Variants in SPMAP2L observed in about 807,000 individuals in gnomAD.
SPMAP2L encodes sperm microtubule associated protein 2-like.
chr4:56,564,297 C>A, the SPMAP2L span, among the ~76,000 whole-genome samples: 2 of 152,008 alleles, frequency 1.3e-5, no homozygotes, highest in African/African-American at 4.8e-5. Flanking sequence ...CACCACCATG[C>A]CTAGCTAATT....
chr4:56,534,805 T>C, the SPMAP2L span, among the ~76,000 whole-genome samples: 1 of 152,180 alleles, frequency 6.6e-6, no homozygotes, highest in African/African-American at 2.4e-5. Flanking sequence ...GGCGCATGCC[T>C]GTAATCCCAG....
chr4:56,573,657 A>G, the SPMAP2L span, among the ~76,000 whole-genome samples: 9 of 152,236 alleles, frequency 5.9e-5, no homozygotes, highest in Non-Finnish European at 1.0e-4. Context: ...CATTTCCTTC[A>G]AAAGGCCAAT....
At chr4:56,614,102 G>A in the SPMAP2L span, among the ~76,000 whole-genome samples, 3 of 152,120 alleles carry the variant, frequency 2.0e-5, no homozygotes, top group Non-Finnish European at 4.4e-5. Flanking sequence ...CGAGGGGTCC[G>A]GTCTAGGACT....
the SPMAP2L span, among the ~76,000 whole-genome samples, chr4:56,568,381 T>C: frequency 3.3e-5 from 5 of 152,206 alleles, no homozygotes; most frequent in African/African-American, 9.6e-5. Context: ...CCTTACTGGC[T>C]CCTGGATGTT....
chr4:56,584,498 C>T, the SPMAP2L span: 1 of 1,528,202 alleles, frequency 6.5e-7, no homozygotes. Flanking sequence ...TGCATATAGA[C>T]CCTTCAGTGA....
chr4:56,569,293 T>G, the SPMAP2L span, among the ~76,000 whole-genome samples: 1 of 152,226 alleles, frequency 6.6e-6, no homozygotes, highest in Admixed American at 6.5e-5. Context: ...AGTTCCAATA[T>G]CTCCACATCC....
the SPMAP2L span, among the ~76,000 whole-genome samples, chr4:56,565,105 C>T: frequency 5.6e-3 from 850 of 152,228 alleles, 7 homozygotes; most frequent in Middle Eastern, 0.017. Flanking sequence ...GATAAATGTT[C>T]GGTGTGCACT....
At chr4:56,573,519 T>A in the SPMAP2L span, among the ~76,000 whole-genome samples, 1 of 152,294 alleles carries the variant, frequency 6.6e-6, no homozygotes, top group East Asian at 1.9e-4. Flanking sequence ...GTGCCGCTCA[T>A]TGGCTGCGTA....
At chr4:56,602,689 T>G in the SPMAP2L span, among the ~76,000 whole-genome samples, 1,410 of 152,212 alleles carry the variant, frequency 9.3e-3, 13 homozygotes, top group Middle Eastern at 0.024. Context: ...AGTGAAACCC[T>G]GTCTCAAAAA....
chr4:56,564,431 C>T, the SPMAP2L span, among the ~76,000 whole-genome samples: 9 of 152,190 alleles, frequency 5.9e-5, no homozygotes, highest in East Asian at 1.9e-4. Context: ...TGAGCCACTG[C>T]GCCCAGCTCA....
the SPMAP2L span, among the ~76,000 whole-genome samples, chr4:56,607,764 G>A: frequency 4.3e-4 from 66 of 152,148 alleles, no homozygotes; most frequent in African/African-American, 1.3e-3. Flanking sequence ...GAGGTGGGAG[G>A]ATAGCTTGAG....
At chr4:56,537,729 C>T in the SPMAP2L span, among the ~76,000 whole-genome samples, 314 of 151,456 alleles carry the variant, frequency 2.1e-3, 1 homozygote, top group African/African-American at 6.8e-3. Context: ...CTCGCTCTGT[C>T]GCCCAGGCTG....
At chr4:56,623,783 C>G in the SPMAP2L span, among the ~76,000 whole-genome samples, 1 of 152,198 alleles carries the variant, frequency 6.6e-6, no homozygotes, top group East Asian at 1.9e-4. Context: ...GATTCTGAGG[C>G]CTCCCCACTC....
the SPMAP2L span, among the ~76,000 whole-genome samples, chr4:56,574,208 A>G: frequency 3.3e-5 from 5 of 151,986 alleles, no homozygotes; most frequent in Non-Finnish European, 7.4e-5. Flanking sequence ...TCACTTGAGC[A>G]TAGGCATTCG....
the SPMAP2L span, chr4:56,559,348 C>A: frequency 7.5e-6 from 9 of 1,207,020 alleles, no homozygotes; most frequent in Non-Finnish European, 8.2e-6. Context: ...TTTTCACTAG[C>A]AATCAATTTT....
the SPMAP2L span, among the ~76,000 whole-genome samples, chr4:56,534,764 T>G: frequency 2.0e-5 from 3 of 151,952 alleles, no homozygotes; most frequent in African/African-American, 7.3e-5. Flanking sequence ...CCGTCTCTGC[T>G]AAAAATACAA....
the SPMAP2L span, among the ~76,000 whole-genome samples, chr4:56,616,959 T>C: frequency 3.3e-5 from 5 of 152,202 alleles, no homozygotes; most frequent in Non-Finnish European, 7.3e-5. Context: ...CAATATATTA[T>C]TGCTAATTTT....
At chr4:56,598,123 A>G in the SPMAP2L span, among the ~76,000 whole-genome samples, 4 of 152,186 alleles carry the variant, frequency 2.6e-5, no homozygotes, top group East Asian at 7.7e-4. Flanking sequence ...TCAACCTCCC[A>G]AAGAGCTAGG....
the SPMAP2L span, among the ~76,000 whole-genome samples, chr4:56,543,970 A>ATG: frequency 1.7e-4 from 10 of 58,942 alleles, no homozygotes; most frequent in African/African-American, 2.3e-4. Flanking sequence ...GTGTGTGTGT[A>ATG]TGTGAGAGAG....
Sources: allele counts gnomAD v4.1 joint callset (sites outside exome capture counted in the v4.1 genomes callset), GRCh38; gene constraint gnomAD v4.1.1; transcripts MANE v1.5; gene names NCBI Gene and HGNC (gene_info 2026-07-23, HGNC 2026-07-21).